The following PTPRN2 variants were observed in gnomAD, a reference collection of about 807,000 sequenced individuals.
PTPRN2 encodes the protein protein tyrosine phosphatase receptor type N2, also known as receptor-type tyrosine-protein phosphatase N2.
In PTPRN2, 74 loss-of-function variants were observed where a neutral mutation model predicts 118.8. That is an observed-to-expected ratio of 0.62 (90% CI 0.52 to 0.76). The LOEUF (loss-of-function observed/expected upper bound fraction) is 0.76. PTPRN2 is among the 30% of genes least tolerant of loss of function. The pLI is 0.00. For synonymous variants in PTPRN2, 641 were observed against 608.0 expected (o/e 1.05, Z -0.80); for missense variants, 1,481 against 1,394.4 (o/e 1.06, Z -0.99).
intron 12 of PTPRN2, among the ~76,000 whole-genome samples, chr7:157,872,422 C>T (rs1289192486): frequency 6.7e-6 from 1 of 148,836 alleles, no homozygotes; most frequent in Non-Finnish European, 1.5e-5. Flanking sequence ...CAGTGTCTTT[C>T]CCACACACAC....
intron 3 of PTPRN2, among the ~76,000 whole-genome samples, chr7:158,253,229 G>A (rs1796799753): frequency 6.6e-6 from 1 of 152,222 alleles, no homozygotes; most frequent in Admixed American, 6.5e-5. Flanking sequence ...ACTGAGCCTG[G>A]ATGTGCATAA....
intron 11 of PTPRN2, among the ~76,000 whole-genome samples, chr7:158,044,043 T>C (rs995800359): frequency 6.6e-6 from 1 of 152,242 alleles, no homozygotes; most frequent in Non-Finnish European, 1.5e-5. Flanking sequence ...AATCTTATGC[T>C]TATGGACTAC....
chr7:158,276,250 T>C lies in PTPRN2; in HGVS notation c.277+40569A>G, dbSNP rs1187507237. Among the ~76,000 whole-genome samples, 39 of 19,944 alleles carry C rather than the reference T, an allele frequency of 2.0e-3. 1 individual carries two copies. Among genetic ancestry groups the C allele is most frequent in the African/African-American group, 3.9e-3 (35 of 8,952 alleles). 13.1% of individuals were successfully genotyped at this position (19,944 alleles called of 152,430 possible). A position where few individuals can be genotyped will look rare whatever the true frequency, so the allele number is the denominator to read the frequency against. On this transcript the variant is annotated intron_variant, in intron 3 of 22. Coordinates refer to ENST00000389418, the MANE Select transcript of PTPRN2 (RefSeq NM_002847.5). ...TAGCACCCCCACATCCCGGTCCTGG[T>C]AGCACCCCCACACTCTGGCCCCAAC...
intron 12 of PTPRN2, among the ~76,000 whole-genome samples, chr7:157,775,890 C>T (rs537774531): frequency 6.6e-6 from 1 of 152,074 alleles, no homozygotes; most frequent in African/African-American, 2.4e-5. Context: ...CCTACAGTAA[C>T]GCCGCTGTCT....
At chr7:158,344,005 G>A (rs1563182725) in intron 2 of PTPRN2, among the ~76,000 whole-genome samples, 2 of 152,220 alleles carry the variant, frequency 1.3e-5, no homozygotes, top group East Asian at 1.9e-4. Context: ...CCCAAGATAA[G>A]ACCCAGAAAC....
chr7:158,084,962 ATCCACACCCACGACG>A (rs1813175928), intron 10 of PTPRN2, among the ~76,000 whole-genome samples: 1 of 127,424 alleles, frequency 7.8e-6, no homozygotes, highest in Non-Finnish European at 1.6e-5. Flanking sequence ...CACGACGCCC[ATCCACACCCACGACG>A]CCCATCCACA....
intron 2 of PTPRN2, among the ~76,000 whole-genome samples, chr7:158,323,336 G>A (rs888902881): frequency 6.6e-6 from 1 of 152,086 alleles, no homozygotes; most frequent in Non-Finnish European, 1.5e-5. Flanking sequence ...AGTGAACCAG[G>A]GGGCCCCACA....
chr7:158,568,370 C>T (rs1470779411), intron 1 of PTPRN2, among the ~76,000 whole-genome samples: 1 of 151,932 alleles, frequency 6.6e-6, no homozygotes, highest in East Asian at 1.9e-4. Flanking sequence ...AGCTCACACA[C>T]AATATAGCGA....
intron 13 of PTPRN2, among the ~76,000 whole-genome samples, chr7:157,669,704 A>C (rs1796316801): frequency 6.6e-6 from 1 of 152,214 alleles, no homozygotes; most frequent in Non-Finnish European, 1.5e-5. Context: ...CATGTAAGTG[A>C]AAAATAATTT....
At chr7:158,527,642 G>A (rs1275768913) in intron 1 of PTPRN2, among the ~76,000 whole-genome samples, 1 of 152,216 alleles carries the variant, frequency 6.6e-6, no homozygotes, top group African/African-American at 2.4e-5. Flanking sequence ...AGCCATGTGG[G>A]GGTTGTGCAC....
intron 2 of PTPRN2, among the ~76,000 whole-genome samples, chr7:158,325,839 G>T (rs988518885): frequency 1.9e-4 from 29 of 152,226 alleles, no homozygotes; most frequent in Non-Finnish European, 4.0e-4. Flanking sequence ...AGACACTCAG[G>T]TTTGCAGAAT....
At position 158,500,329 on chromosome 7, in the gene PTPRN2, C is replaced by A. The variant is rs563466190; in HGVS notation, c.113-10544G>T. Among the ~76,000 whole-genome samples the A allele has an allele frequency of 4.8e-4, 73 of 152,282 alleles. 1 individual carries two copies. The South Asian group carries it at 0.015, about 31-fold the overall frequency. On this transcript the variant is annotated intron_variant, in intron 1 of 22. Transcript: ENST00000389418. Reference sequence around the variant, plus strand: ...CTGAGGTGAATTTGAAAAATAATTTCTTTTTATCTTCCTCTTGAGCTCGCT... The same window carrying A: ...CTGAGGTGAATTTGAAAAATAATTTATTTTTATCTTCCTCTTGAGCTCGCT...
chr7:158,459,410 A>G (rs1775089078), intron 2 of PTPRN2, among the ~76,000 whole-genome samples: 1 of 151,490 alleles, frequency 6.6e-6, no homozygotes, highest in Non-Finnish European at 1.5e-5. Context: ...CTCGCCTGGG[A>G]CGAACGGGAT....
chr7:158,139,576 C>G (rs530642595), intron 6 of PTPRN2, among the ~76,000 whole-genome samples: 5 of 151,972 alleles, frequency 3.3e-5, no homozygotes, highest in African/African-American at 9.6e-5. Flanking sequence ...CTCAGGGACT[C>G]AAGACAGTCA....
At position 158,166,933 on chromosome 7, in the gene PTPRN2, T is replaced by G; in HGVS notation, c.908A>C (p.Asp303Ala). The G allele has an allele frequency of 7.0e-7, 1 of 1,426,034 alleles. No individual in the cohort carries two copies. The highest frequency in any genetic ancestry group is 9.2e-7 in the Non-Finnish European group (1 of 1,084,252). The allele number at this position is 1,426,034 out of a possible 1,614,324, so 88.3% of individuals were successfully genotyped here. Residue 303 changes from aspartate to alanine, a missense_variant and splice_region_variant, in exon 6 of 23, where the codon GAT becomes GCT. Physicochemically the swap from Asp to Ala is moderately radical, Grantham distance 126. Around this residue, in one of 3 missense-constraint regions of PTPRN2, gnomAD observed 1,115 missense variants for 994.2 expected, o/e 1.12. Transcript: ENST00000389418. Reference sequence around the variant, plus strand: ...AACACCAAGCGGGGCTGGCTCACCATCGCCTGTGCTGGAGGGGTCTTCGGA... The same window carrying G: ...AACACCAAGCGGGGCTGGCTCACCAGCGCCTGTGCTGGAGGGGTCTTCGGA... Reference protein sequence around the residue: ...GDSEDPSSTGDGARIHTLLKD... With the variant: ...GDSEDPSSTGAGARIHTLLKD...
intron 3 of PTPRN2, among the ~76,000 whole-genome samples, chr7:158,205,648 T>A (rs1169325177): frequency 6.6e-6 from 1 of 152,134 alleles, no homozygotes; most frequent in Non-Finnish European, 1.5e-5. Flanking sequence ...AGTACCTGGT[T>A]TTAACTCCAT....
chr7:158,340,490 T>G (rs78734443), intron 2 of PTPRN2, among the ~76,000 whole-genome samples: 2 of 110,948 alleles, frequency 1.8e-5, no homozygotes, highest in African/African-American at 6.7e-5. Context: ...CCATAATAGG[T>G]GACACCTGCA....
chr7:158,286,445 G>A (rs1467613187), intron 3 of PTPRN2, among the ~76,000 whole-genome samples: 1 of 152,166 alleles, frequency 6.6e-6, no homozygotes, highest in Non-Finnish European at 1.5e-5. Flanking sequence ...TAGAGGAAAA[G>A]CTTTCAGCTT....
intron 5 of PTPRN2, among the ~76,000 whole-genome samples, chr7:158,167,583 T>C (rs1823145284): frequency 6.6e-6 from 1 of 152,228 alleles, no homozygotes; most frequent in Admixed American, 6.5e-5. Flanking sequence ...CAGCAGTTTT[T>C]AGTGTATTCA....
Sources: gnomAD v4.1 joint callset for allele counts (sites outside exome capture counted in the v4.1 genomes callset) on GRCh38, gnomAD v4.1.1 for gene constraint, gnomAD v4.1.1 regional missense constraint, MANE v1.5 for transcripts, NCBI Gene and HGNC (gene_info 2026-07-23, HGNC 2026-07-21) for gene names.